Variants in TMEM132C observed in about 807,000 individuals in gnomAD.
TMEM132C encodes transmembrane protein 132C, also known as protein phosphatase 1, regulatory subunit 152.
A neutral mutation model predicts 61.4 loss-of-function variants in TMEM132C; 29 were observed. The observed-to-expected ratio is 0.47, with a 90% CI of 0.35 to 0.64. TMEM132C has a LOEUF of 0.64. Among genes scored for constraint, TMEM132C ranks in the 30% least tolerant of loss-of-function variants. The pLI, the probability that TMEM132C is intolerant of heterozygous loss-of-function variation, is 0.00. For missense variants in TMEM132C, 1,408 were observed against 1,476.9 expected (o/e 0.95, Z 0.76); for synonymous variants, 656 against 633.1 (o/e 1.04, Z -0.54).
intron 3 of TMEM132C, among the ~76,000 whole-genome samples, chr12:128,563,949 A>G (rs1874609892): frequency 6.6e-6 from 1 of 152,198 alleles, no homozygotes; most frequent in Non-Finnish European, 1.5e-5. Flanking sequence ...TAACTCCCAC[A>G]TGCTTAGTGT....
chr12:128,694,181 C>A, intron 6 of TMEM132C, 147 bp downstream of exon 6: 3 of 989,512 alleles, frequency 3.0e-6, no homozygotes, highest in Non-Finnish European at 4.4e-6. Context: ...CAGCCAGGCC[C>A]AAAAGCTGCT....
chr12:128,619,958 C>T (rs750506003), intron 4 of TMEM132C, among the ~76,000 whole-genome samples: 3 of 152,166 alleles, frequency 2.0e-5, no homozygotes, highest in East Asian at 1.9e-4. Context: ...AGGCCAGGCG[C>T]GATGGCTCAC....
At chr12:128,590,516 G>A (rs2135566052) in intron 3 of TMEM132C, among the ~76,000 whole-genome samples, 1 of 152,346 alleles carries the variant, frequency 6.6e-6, no homozygotes, top group South Asian at 2.1e-4. Flanking sequence ...TGTGAGTCAA[G>A]GTCCAGGTTC....
At chr12:128,296,994 T>TA (rs1484109415) in intron 1 of TMEM132C, among the ~76,000 whole-genome samples, 1 of 152,138 alleles carries the variant, frequency 6.6e-6, no homozygotes, top group Non-Finnish European at 1.5e-5. Context: ...TTGGACAAAA[T>TA]AAATCCCAGG....
intron 2 of TMEM132C, among the ~76,000 whole-genome samples, chr12:128,540,265 T>G (rs192538422): frequency 1.5e-3 from 221 of 152,250 alleles, no homozygotes; most frequent in Middle Eastern, 3.4e-3. Flanking sequence ...TTGGTTTTGT[T>G]TTGTTTTGAG....
At chr12:128,269,174 A>G (rs1489073469) in intron 1 of TMEM132C, among the ~76,000 whole-genome samples, 4 of 152,186 alleles carry the variant, frequency 2.6e-5, no homozygotes, top group Non-Finnish European at 5.9e-5. Context: ...TTTTGTTGAT[A>G]AAATGACTGA....
chr12:128,495,162 T>A (rs1019898221), intron 2 of TMEM132C, among the ~76,000 whole-genome samples: 2 of 151,776 alleles, frequency 1.3e-5, no homozygotes, highest in African/African-American at 4.8e-5. Flanking sequence ...TTTGAGTGAG[T>A]TTCTTAATCC....
At chr12:128,282,642 C>G (rs928861386) in intron 1 of TMEM132C, among the ~76,000 whole-genome samples, 2 of 152,204 alleles carry the variant, frequency 1.3e-5, no homozygotes, top group Admixed American at 1.3e-4. Context: ...CAGAGCCAAA[C>G]CATATCAACT....
chr12:128,667,194 G>A (rs1454661260), intron 4 of TMEM132C, among the ~76,000 whole-genome samples: 1 of 152,036 alleles, frequency 6.6e-6, no homozygotes, highest in Non-Finnish European at 1.5e-5. Context: ...GGAGTGTTAG[G>A]TAGAGTGTGT....
At chr12:128,611,592 C>T (rs1002680209) in intron 3 of TMEM132C, among the ~76,000 whole-genome samples, 1 of 152,188 alleles carries the variant, frequency 6.6e-6, no homozygotes, top group African/African-American at 2.4e-5. Context: ...TTTGGGAAGA[C>T]ATCTTCCACC....
intron 4 of TMEM132C, among the ~76,000 whole-genome samples, chr12:128,622,363 ATATATATATATATATATATATATATAT>A (rs1953976056): frequency 1.8e-5 from 1 of 56,756 alleles, no homozygotes; most frequent in African/African-American, 8.8e-5. Flanking sequence ...AAAAAAAAAT[ATATATATATATATATATATATATATAT>A]ATATATATAT....
At chr12:128,540,952 C>T (rs10847644) in intron 2 of TMEM132C, among the ~76,000 whole-genome samples, 80,808 of 151,330 alleles carry the variant, frequency 0.53, 22,414 homozygotes, top group Middle Eastern at 0.61. Context: ...TGTCTGTCTA[C>T]TTCTCTCTCT....
intron 5 of TMEM132C, among the ~76,000 whole-genome samples, chr12:128,673,151 T>C (rs1226627259): frequency 1.3e-5 from 2 of 152,192 alleles, no homozygotes; most frequent in African/African-American, 4.8e-5. Flanking sequence ...TGAATTCATA[T>C]GTGGAAGCCC....
chr12:128,642,484 G>A (rs1954165153), intron 4 of TMEM132C, among the ~76,000 whole-genome samples: 1 of 152,158 alleles, frequency 6.6e-6, no homozygotes, highest in Non-Finnish European at 1.5e-5. Context: ...GGAAGTATTT[G>A]GGTCATGGGG....
chr12:128,305,515 C>T (rs1566049867), intron 1 of TMEM132C, among the ~76,000 whole-genome samples: 4 of 149,278 alleles, frequency 2.7e-5, no homozygotes, highest in East Asian at 1.9e-4. Flanking sequence ...GATGATTCTG[C>T]GGCTTTGTGT....
intron 4 of TMEM132C, among the ~76,000 whole-genome samples, chr12:128,632,272 G>C (rs541413653): frequency 4.6e-5 from 7 of 152,328 alleles, no homozygotes; most frequent in African/African-American, 1.7e-4. Context: ...GATTACTTCA[G>C]TTGATCTGTG....
At chr12:128,319,973 G>A (rs775584924) in intron 1 of TMEM132C, among the ~76,000 whole-genome samples, 35 of 152,052 alleles carry the variant, frequency 2.3e-4, no homozygotes, top group Non-Finnish European at 4.7e-4. Flanking sequence ...TGGCGGCAGT[G>A]TTTAGAAAAA....
chr12:128,658,012 G>A (rs984917839), intron 4 of TMEM132C, among the ~76,000 whole-genome samples: 1 of 150,480 alleles, frequency 6.6e-6, no homozygotes, highest in African/African-American at 2.4e-5. Flanking sequence ...GAGCAGGGAC[G>A]CAGCTCCCAT....
intron 8 of TMEM132C, among the ~76,000 whole-genome samples, chr12:128,704,589 G>A (rs1006626274): frequency 1.3e-5 from 2 of 152,222 alleles, no homozygotes; most frequent in African/African-American, 4.8e-5. Context: ...GAGAAGAGGG[G>A]AGGTTCCTTT....
Sources: allele counts gnomAD v4.1 joint callset (sites outside exome capture counted in the v4.1 genomes callset), GRCh38; gene constraint gnomAD v4.1.1; transcripts MANE v1.5; gene names NCBI Gene and HGNC (gene_info 2026-07-23, HGNC 2026-07-21).